The following CACNB4 variants were observed in gnomAD, a reference collection of about 807,000 sequenced individuals.
CACNB4 encodes voltage-dependent L-type calcium channel subunit beta-4.
A neutral mutation model predicts 71.2 loss-of-function variants in CACNB4; 32 were observed. That is an observed-to-expected ratio of 0.45 (90% CI 0.34 to 0.60). The LOEUF (loss-of-function observed/expected upper bound fraction) is 0.60, where lower values mean the gene tolerates loss of function less well. Among genes scored for constraint, CACNB4 ranks in the 20% least tolerant of loss-of-function variants. The pLI is 0.01. For synonymous variants in CACNB4, 231 were observed against 236.9 expected (o/e 0.97, Z 0.23); for missense variants, 464 against 647.9 (o/e 0.72, Z 3.08).
In CACNB4 at chr2:151,923,953, C is replaced by A. The variant is rs116482457; in HGVS notation, c.148-40583G>T. ...CTAGTAATTCTCCATGAGTTTCCAT[C>A]TCATCTCCATTCAGAGGGACTGGTT... is the stretch of plus-strand genomic sequence containing the variant. On this transcript the variant is annotated intron_variant, in intron 2 of 13. Transcript: ENST00000539935. Among the ~76,000 whole-genome samples, 305 of 151,956 alleles carry A rather than the reference C, an allele frequency of 2.0e-3. 3 individuals are homozygous for A. Among genetic ancestry groups the A allele is most frequent in the African/African-American group, 7.2e-3 (297 of 41,480 alleles).
At chr2:151,849,932 A>C (rs184213571) in intron 12 of CACNB4, among the ~76,000 whole-genome samples, 3 of 152,058 alleles carry the variant, frequency 2.0e-5, no homozygotes, top group Admixed American at 2.0e-4. Flanking sequence ...ACACAGCTAC[A>C]CCCATTTGTT....
intron 3 of CACNB4, among the ~76,000 whole-genome samples, chr2:151,881,974 G>C (rs572699373): frequency 6.8e-6 from 1 of 147,286 alleles, no homozygotes; most frequent in East Asian, 2.1e-4. Context: ...TCTGCCTCCT[G>C]GGTTCAAGTG....
intron 2 of CACNB4, among the ~76,000 whole-genome samples, chr2:152,007,338 A>G (rs1398857469): frequency 6.6e-6 from 1 of 152,170 alleles, no homozygotes. Context: ...CAACTTTTCA[A>G]AAAGAAACTC....
chr2:152,082,865 C>T (rs763320807), intron 2 of CACNB4, among the ~76,000 whole-genome samples: 2 of 152,134 alleles, frequency 1.3e-5, no homozygotes, highest in African/African-American at 2.4e-5. Flanking sequence ...TTGGTAGGCA[C>T]GACCATGTGA....
rs2151358693 is a variant in CACNB4 at position 151,855,350 on chromosome 2, T to G, written c.894A>C (p.Arg298Ser). 6.3e-7 allele frequency: 1 copy of G among 1,594,956 alleles called. No individual in the cohort carries two copies. Among genetic ancestry groups the G allele is most frequent in the East Asian group, 2.2e-5 (1 of 44,530 alleles). ...GCAAAGATCTTGCCAACTCAAAGAT[T>G]CTTTCAATTTCACTTTGTACTTCCG... ...SLAEVQSEIERIFELARSLQL... is the reference protein window; with the variant it reads ...SLAEVQSEIESIFELARSLQL... Residue 298 changes from arginine to serine, a missense_variant, in exon 11 of 14, where the codon AGA becomes AGC. This residue lies in a region of CACNB4 where 299 missense variants were observed against 471.7 expected (regional missense o/e 0.63). Transcript: ENST00000539935.
intron 2 of CACNB4, among the ~76,000 whole-genome samples, chr2:152,071,547 C>T (rs897536655): frequency 2.0e-5 from 3 of 152,056 alleles, no homozygotes; most frequent in African/African-American, 7.2e-5. Context: ...ATGGTTATGC[C>T]AATTTTTAGG....
At chr2:151,985,949 CTAGTAT>C (rs1681344424) in intron 2 of CACNB4, among the ~76,000 whole-genome samples, 1 of 152,154 alleles carries the variant, frequency 6.6e-6, no homozygotes, top group Non-Finnish European at 1.5e-5. Context: ...AGTAAAGGTT[CTAGTAT>C]CTACATTTTC....
chr2:151,962,476 T>A (rs1273190925), intron 2 of CACNB4, among the ~76,000 whole-genome samples: 1 of 151,926 alleles, frequency 6.6e-6, no homozygotes, highest in East Asian at 1.9e-4. Flanking sequence ...TTTTAAAAAA[T>A]ATTGCTACTG....
intron 2 of CACNB4, among the ~76,000 whole-genome samples, chr2:151,925,553 A>G (rs997210834): frequency 1.3e-5 from 2 of 152,234 alleles, no homozygotes; most frequent in South Asian, 4.1e-4. Context: ...CATGTACATT[A>G]GCAATCCCTG....
intron 12 of CACNB4, among the ~76,000 whole-genome samples, chr2:151,844,178 A>C (rs1212524668): frequency 6.6e-6 from 1 of 152,234 alleles, no homozygotes; most frequent in Non-Finnish European, 1.5e-5. Flanking sequence ...CAGACATCTT[A>C]TGCTCAAGAA....
chr2:151,953,118 A>G (rs139050197), intron 2 of CACNB4, among the ~76,000 whole-genome samples: 155 of 152,324 alleles, frequency 1.0e-3, no homozygotes, highest in African/African-American at 3.7e-3. Context: ...TTTTATCCTG[A>G]CACAGAAAAT....
Position 151,833,320 on chromosome 2 carries a change from G to A in CACNB4, c.*5799C>T, listed in dbSNP as rs1009710339. ...TAATGGCTTTAACTTATGTTTCAAA[G>A]TAGTATTCAGTACAAAACAAATTAA... On this transcript the variant is annotated 3_prime_UTR_variant, in exon 14 of 14. Transcript: ENST00000539935. The A allele has an allele frequency of 9.2e-5, 14 of 151,980 alleles. No homozygotes were observed. Among genetic ancestry groups the A allele is most frequent in the African/African-American group, 3.4e-4 (14 of 41,400 alleles). The allele number at this position is 151,980 out of a possible 1,614,324, so 9.4% of individuals were successfully genotyped here. A position where few individuals can be genotyped will look rare whatever the true frequency, so the allele number is the denominator to read the frequency against.
At chr2:151,951,825 CAAG>C (rs2099866976) in intron 2 of CACNB4, among the ~76,000 whole-genome samples, 2 of 152,188 alleles carry the variant, frequency 1.3e-5, no homozygotes, top group African/African-American at 2.4e-5. Flanking sequence ...CTCTGGTCTT[CAAG>C]AAGGAGGCTT....
chr2:151,994,221 A>G (rs1030158635), intron 2 of CACNB4, among the ~76,000 whole-genome samples: 11 of 152,124 alleles, frequency 7.2e-5, no homozygotes, highest in South Asian at 2.1e-4. Context: ...GGAATCCAGA[A>G]AAAAAGGGTC....
intron 2 of CACNB4, among the ~76,000 whole-genome samples, chr2:152,022,196 T>C (rs1308551795): frequency 6.6e-6 from 1 of 152,172 alleles, no homozygotes; most frequent in Non-Finnish European, 1.5e-5. Flanking sequence ...CAACCAAATA[T>C]ACACCACTCA....
chr2:152,008,973 G>C (rs1418577163), intron 2 of CACNB4, among the ~76,000 whole-genome samples: 1 of 152,134 alleles, frequency 6.6e-6, no homozygotes, highest in African/African-American at 2.4e-5. Context: ...TTGCTGACTG[G>C]AGGATTAATG....
chr2:151,849,005 TA>T (rs201074839), intron 12 of CACNB4, among the ~76,000 whole-genome samples: 14 of 149,722 alleles, frequency 9.4e-5, no homozygotes, highest in African/African-American at 2.7e-4. Flanking sequence ...CTGGTCATAT[TA>T]AAAAAAAAAT....
chr2:151,873,769 G>T (rs2099845207), intron 5 of CACNB4: 1 of 152,060 alleles, frequency 6.6e-6, no homozygotes, highest in African/African-American at 2.4e-5. Flanking sequence ...TCTAAAAAGG[G>T]GCATGGAAGA....
intron 2 of CACNB4, chr2:151,967,039 A>ATTTTTT (rs5835390): frequency 2.1e-5 from 2 of 94,484 alleles, no homozygotes; most frequent in African/African-American, 9.4e-5. Context: ...CTGTCTCCAC[A>ATTTTTT]TTTTTTTTTT....
Sources: allele counts gnomAD v4.1 joint callset (sites outside exome capture counted in the v4.1 genomes callset), GRCh38; gene constraint gnomAD v4.1.1; regional missense constraint gnomAD v4.1.1; transcripts MANE v1.5; gene names NCBI Gene and HGNC (gene_info 2026-07-23, HGNC 2026-07-21).